CCDC33: variants seen among roughly 807,000 people sequenced by gnomAD.
CCDC33 encodes the protein coiled-coil domain containing 33.
In CCDC33, 94 loss-of-function variants were observed where a neutral mutation model predicts 91.9. The ratio of observed to expected loss-of-function variants is 1.02; its 90% confidence interval spans 0.87 to 1.21. The LOEUF (loss-of-function observed/expected upper bound fraction) is 1.21. CCDC33 is among the 50% of genes most tolerant of loss of function. The pLI is 0.00. For synonymous variants in CCDC33, 396 were observed against 374.5 expected, an observed-to-expected ratio of 1.06 and a Z score of -0.66; for missense variants, 940 against 935.5, an observed-to-expected ratio of 1.00 and a Z score of -0.06.
At chr15:74,220,833 C>A (rs2074569548) in intron 2 of CCDC33, among the ~76,000 whole-genome samples, 1 of 152,158 alleles carries the variant, frequency 6.6e-6, no homozygotes. Context: ...AGGGAGCAGA[C>A]AATGAAGACA....
Position 74,317,243 on chromosome 15 carries a change from C to A in CCDC33, c.1291-12946C>A, listed in dbSNP as rs561998523. 1.1e-4 allele frequency among the ~76,000 whole-genome samples: 17 copies of A among 152,246 alleles called. No homozygotes were observed. The East Asian group carries it at 3.1e-3, about 28-fold the overall frequency. On this transcript the variant is annotated intron_variant, in intron 11 of 18. Transcript: ENST00000398814. ...AGGCATGGTGGCAGGCACCTGTAGT[C>A]CCAGCTACTCGGGAGGCTGAGGCAG...
At chr15:74,326,043 C>T (rs150546560) in intron 11 of CCDC33, among the ~76,000 whole-genome samples, 8 of 152,284 alleles carry the variant, frequency 5.3e-5, no homozygotes, top group African/African-American at 1.7e-4. Context: ...AAAAGTGCGA[C>T]GGCAGGCAGA....
upstream of CCDC33, chr15:74,212,238 C>T (rs2074374943): frequency 6.6e-6 from 1 of 152,424 alleles, no homozygotes; most frequent in Non-Finnish European, 1.5e-5. Flanking sequence ...CCTTCAGAGC[C>T]TGGTGGAGCA....
intron 10 of CCDC33, among the ~76,000 whole-genome samples, chr15:74,283,815 C>T (rs1442080666): frequency 6.6e-6 from 1 of 151,964 alleles, no homozygotes; most frequent in East Asian, 1.9e-4. Context: ...CACACACACA[C>T]ACACCCCCTC....
At chr15:74,215,325 A>C (rs796822016), upstream of CCDC33, among the ~76,000 whole-genome samples, 1 of 151,570 alleles carries the variant, frequency 6.6e-6, no homozygotes, top group East Asian at 2.0e-4. Flanking sequence ...AGCACTGAGT[A>C]TTCAAATTCA....
chr15:74,226,181 T>C (rs2074789995), intron 2 of CCDC33, among the ~76,000 whole-genome samples: 1 of 152,172 alleles, frequency 6.6e-6, no homozygotes, highest in East Asian at 1.9e-4. Flanking sequence ...AACAATCACT[T>C]TCCAAGCCGA....
intron 2 of CCDC33, among the ~76,000 whole-genome samples, chr15:74,223,096 T>A (rs955586648): frequency 9.2e-5 from 14 of 151,834 alleles, no homozygotes; most frequent in Non-Finnish European, 5.9e-5. Context: ...GGGGTGTGAG[T>A]GGGGGCTGGC....
intron 2 of CCDC33, chr15:74,209,680 G>A (rs543873906): frequency 1.3e-5 from 7 of 528,310 alleles, no homozygotes; most frequent in African/African-American, 3.8e-5. Context: ...CTGGACAGTC[G>A]GCTGCATCCC....
chr15:74,216,118 G>C (rs115422825), upstream of CCDC33, among the ~76,000 whole-genome samples: 1 of 152,036 alleles, frequency 6.6e-6, no homozygotes, highest in African/African-American at 2.4e-5. Context: ...ATATGCAAGG[G>C]AAGAGAGCTG....
At chr15:74,221,813 G>A (rs2074605026) in intron 2 of CCDC33, among the ~76,000 whole-genome samples, 1 of 152,122 alleles carries the variant, frequency 6.6e-6, no homozygotes, top group South Asian at 2.1e-4. Flanking sequence ...CAGAGGCTCA[G>A]GGTGCTTCCT....
Position 74,272,777 on chromosome 15 carries a change from C to A in CCDC33, c.645C>A (p.Ser215Arg). The change falls in exon 7 of 19, where the codon AGC (serine) becomes AGA (arginine). Residue 215 changes from serine to arginine, a missense_variant. By Grantham distance (110) the Ser-to-Arg change is moderately radical. Transcript: ENST00000398814. Reference protein sequence around the residue: ...VVPNYKEFKVSQANRDLASVG... With the variant: ...VVPNYKEFKVRQANRDLASVG... ...TGTCTCCCTGCCTCCCCAGGGTCAG[C>A]CAGGCTAACAGGGACCTGGCCTCTG... The A allele has an allele frequency of 1.9e-6, 3 of 1,613,994 alleles. No individual in the cohort carries two copies. The South Asian group carries it at 3.3e-5, about 18-fold the overall frequency.
chr15:74,226,896 A>AG (rs1296373019), intron 2 of CCDC33, among the ~76,000 whole-genome samples: 5 of 151,368 alleles, frequency 3.3e-5, no homozygotes, highest in African/African-American at 1.2e-4. Flanking sequence ...ACAAGCAAGT[A>AG]GGGGGGAAAC....
intron 2 of CCDC33, among the ~76,000 whole-genome samples, chr15:74,222,730 C>T (rs1445701765): frequency 1.3e-5 from 2 of 151,694 alleles, no homozygotes; most frequent in African/African-American, 2.4e-5. Context: ...AGAGCGGCCA[C>T]GGAGCTGTTG....
At chr15:74,282,889 G>A (rs766484514) in intron 10 of CCDC33, among the ~76,000 whole-genome samples, 15 of 152,160 alleles carry the variant, frequency 9.9e-5, no homozygotes, top group Admixed American at 2.6e-4. Context: ...AGTGGTGCTG[G>A]GATGTGAGTA....
chr15:74,331,128 G>A lies in CCDC33; in HGVS notation c.1677+16G>A. 1 of 1,613,300 alleles carries A rather than the reference G, an allele frequency of 6.2e-7. No homozygotes were observed. ...CCAAGAGAAGGCAGGTGGCAGAGGGGCTGCCCCCGAGGCCAACTGATGATG... is the reference window on the plus strand; with the variant it reads ...CCAAGAGAAGGCAGGTGGCAGAGGGACTGCCCCCGAGGCCAACTGATGATG... On this transcript the variant is annotated intron_variant, in intron 14 of 18. Transcript: ENST00000398814.
chr15:74,269,730 C>G (rs1403264126), intron 5 of CCDC33, among the ~76,000 whole-genome samples: 3 of 149,546 alleles, frequency 2.0e-5, no homozygotes, highest in African/African-American at 7.4e-5. Flanking sequence ...TTCTCTGGCT[C>G]ACAGCACCCT....
chr15:74,223,123 G>A (rs973883044), intron 2 of CCDC33, among the ~76,000 whole-genome samples: 20 of 152,072 alleles, frequency 1.3e-4, no homozygotes, highest in African/African-American at 4.8e-4. Flanking sequence ...GGGGAACTGG[G>A]CACCTCTTCG....
intron 2 of CCDC33, among the ~76,000 whole-genome samples, chr15:74,250,115 G>A (rs576549279): frequency 3.9e-5 from 6 of 152,094 alleles, no homozygotes; most frequent in Admixed American, 2.6e-4. Flanking sequence ...CATGTCTCCC[G>A]GTCTCTCGGA....
At chr15:74,306,023 CA>C (rs2059887578) in intron 11 of CCDC33, among the ~76,000 whole-genome samples, 1 of 152,178 alleles carries the variant, frequency 6.6e-6, no homozygotes, top group Non-Finnish European at 1.5e-5. Flanking sequence ...TGGCACTTTG[CA>C]GGAGGCTTAT....
Sources: allele counts gnomAD v4.1 joint callset (sites outside exome capture counted in the v4.1 genomes callset), GRCh38; gene constraint gnomAD v4.1.1; transcripts MANE v1.5; gene names NCBI Gene and HGNC (gene_info 2026-07-23, HGNC 2026-07-21).